SHCBP1: variants seen among roughly 807,000 people sequenced by gnomAD.
The protein encoded by SHCBP1 is SHC binding and spindle associated 1.
Under a neutral mutation model 75.1 loss-of-function variants are expected in SHCBP1, and 60 were observed. The ratio of observed to expected loss-of-function variants is 0.80; its 90% CI spans 0.65 to 0.99. SHCBP1 has a LOEUF of 0.99. Ranked by LOEUF, SHCBP1 falls within the 50% of genes least tolerant of loss-of-function variation. SHCBP1 has a pLI of 0.00. For missense variants in SHCBP1, 709 were observed against 809.4 expected (o/e 0.88, Z 1.50); for synonymous variants, 290 against 293.2 (o/e 0.99, Z 0.11).
chr16:46,581,491 A>C lies in SHCBP1; in HGVS notation c.*238T>G. On this transcript the variant is annotated 3_prime_UTR_variant, in exon 13 of 13. Coordinates refer to ENST00000303383, the MANE Select transcript of SHCBP1 (RefSeq NM_024745.5). Reference sequence around the variant, plus strand: ...AGAGAACCATGTGTATAAGAAAGCAAGACTTTCAGATAAGCAATCTCCAAA... The same window carrying C: ...AGAGAACCATGTGTATAAGAAAGCACGACTTTCAGATAAGCAATCTCCAAA... The C allele has an allele frequency of 2.1e-6, 1 of 473,338 alleles. No homozygotes were observed. Among genetic ancestry groups the C allele is most frequent in the Non-Finnish European group, 3.7e-6 (1 of 267,574 alleles). The allele number at this position is 473,338 out of a possible 1,614,324, so 29.3% of individuals were successfully genotyped here.
chr16:46,592,334 A>C (rs139412661), intron 10 of SHCBP1, among the ~76,000 whole-genome samples: 77 of 152,326 alleles, frequency 5.1e-4, no homozygotes, highest in Non-Finnish European at 9.4e-4. Context: ...CTATGCATAT[A>C]AATCTGACAA....
chr16:46,582,085 A>G, intron 12 of SHCBP1, 31 bp from the exon 13 acceptor site: 1 of 1,568,948 alleles, frequency 6.4e-7, no homozygotes, highest in Non-Finnish European at 8.6e-7. Context: ...TAACAAAGTT[A>G]AATATACAAG....
At position 46,603,592 on chromosome 16, in the gene SHCBP1, C is replaced by T. The variant is rs140069841; in HGVS notation, c.1160G>A (p.Gly387Asp). The change falls in exon 8 of 13, where the codon GGC (glycine) becomes GAC (aspartate). Residue 387 changes from glycine (G) to aspartate (D), a missense_variant. Gly to Asp is a moderately conservative substitution (Grantham distance 94). Transcript: ENST00000303383. The part of the protein sequence containing the change: ...FEGDTVIVCP[G>D]HYVVHGTFSI... ...GAAAGTGCCATGTACCACATAATGG[C>T]CAGGACAAACAATAACAGTGTCACC... The T allele has an allele frequency of 6.2e-7, 1 of 1,613,984 alleles. No homozygotes were observed. The highest frequency in any genetic ancestry group is 2.2e-5 in the East Asian group (1 of 44,894).
chr16:46,608,289 A>C lies in SHCBP1; in HGVS notation c.689+8T>G, dbSNP rs930365349. 1.7e-5 allele frequency: 28 copies of C among 1,603,720 alleles called. No homozygotes were observed. In the Admixed American group the frequency reaches 3.5e-4, roughly 20 times the overall value. On this transcript the variant is annotated splice_region_variant and intron_variant, in intron 5 of 12. Transcript: ENST00000303383. The stretch of plus-strand genomic sequence containing the variant: ...ACATGTACAACAAGGTCAGCAATAA[A>C]TACTTACAATCTTAATCGAGGTTCA...
At chr16:46,596,024 A>G (rs1169956622) in intron 9 of SHCBP1, among the ~76,000 whole-genome samples, 2 of 152,192 alleles carry the variant, frequency 1.3e-5, no homozygotes, top group African/African-American at 2.4e-5. Context: ...CATTACTCCC[A>G]TGTGGAGATA....
At chr16:46,602,817 G>A (rs1214728983) in intron 8 of SHCBP1, among the ~76,000 whole-genome samples, 4 of 151,972 alleles carry the variant, frequency 2.6e-5, no homozygotes, top group Non-Finnish European at 4.4e-5. Context: ...TTTTAGTACC[G>A]ACGGGGTTTC....
chr16:46,580,404 C>T lies in SHCBP1; in HGVS notation c.*1325G>A, dbSNP rs746670340. The T allele has an allele frequency of 6.6e-6, 1 of 151,980 alleles. No homozygotes were observed. The highest frequency in any genetic ancestry group is 1.5e-5 in the Non-Finnish European group (1 of 67,982). The allele number at this position is 151,980 out of a possible 1,614,324, so 9.4% of individuals were successfully genotyped here. On this transcript the variant is annotated 3_prime_UTR_variant, in exon 13 of 13. Coordinates refer to ENST00000303383, the MANE Select transcript of SHCBP1 (RefSeq NM_024745.5). ...TTATTTTTTACTCAAATTTAAAAAACAAACATAACCACACTTAATGGGAAA... is the reference window on the plus strand; with the variant it reads ...TTATTTTTTACTCAAATTTAAAAAATAAACATAACCACACTTAATGGGAAA...
intron 9 of SHCBP1, among the ~76,000 whole-genome samples, chr16:46,598,219 C>T (rs891265659): frequency 6.6e-5 from 10 of 152,100 alleles, no homozygotes; most frequent in African/African-American, 2.4e-4. Flanking sequence ...TGACTCCTTC[C>T]CAGAAACTTT....
rs1457480693 is a variant in SHCBP1 at position 46,580,702 on chromosome 16, T to A, written c.*1027A>T. The A allele has an allele frequency of 6.6e-6, 1 of 152,148 alleles. No individual in the cohort carries two copies. The highest frequency in any genetic ancestry group is 1.9e-4 in the East Asian group (1 of 5,194). 9.4% of individuals were successfully genotyped at this position (152,148 alleles called of 1,614,324 possible). ...GTTGTACAGTTAATCATTTTGACTGTGTCAGTAATATAATCAGAATACTGT... is the reference window on the plus strand; with the variant it reads ...GTTGTACAGTTAATCATTTTGACTGAGTCAGTAATATAATCAGAATACTGT... On this transcript the variant is annotated 3_prime_UTR_variant, in exon 13 of 13. Transcript: ENST00000303383.
At chr16:46,594,803 G>A (rs996297481) in intron 10 of SHCBP1, among the ~76,000 whole-genome samples, 1 of 152,120 alleles carries the variant, frequency 6.6e-6, no homozygotes, top group African/African-American at 2.4e-5. Context: ...AACGTTTATA[G>A]CAGCTTTACT....
chr16:46,609,366 C>G (rs192377303), intron 4 of SHCBP1, among the ~76,000 whole-genome samples: 3 of 151,858 alleles, frequency 2.0e-5, no homozygotes, highest in Admixed American at 2.0e-4. Flanking sequence ...TTAGTTCCCT[C>G]TCCCAGACCA....
rs948975689 is a variant in SHCBP1 at position 46,608,204 on chromosome 16, T to G, written c.689+93A>C. On this transcript the variant is annotated intron_variant, in intron 5 of 12. Transcript: ENST00000303383. Reference sequence around the variant, plus strand: ...GAGAGAGTGAGTGAGTGAGTGTGGGTGTGTGTGTGTGTGTGTATCTCACAC... The same window carrying G: ...GAGAGAGTGAGTGAGTGAGTGTGGGGGTGTGTGTGTGTGTGTATCTCACAC... The G allele has an allele frequency of 6.0e-4, 180 of 301,984 alleles. 2 individuals carry two copies. In the South Asian group the frequency reaches 6.3e-3, roughly 11 times the overall value. 18.7% of individuals were successfully genotyped at this position (301,984 alleles called of 1,614,324 possible).
Position 46,617,726 on chromosome 16 carries a change from G to A in SHCBP1, c.295C>T (p.Gln99Ter), listed in dbSNP as rs369047561. The A allele has an allele frequency of 2.0e-5, 32 of 1,612,566 alleles. No individual in the cohort carries two copies. The highest frequency in any genetic ancestry group is 2.6e-5 in the Non-Finnish European group (31 of 1,179,986). ...ILADCKASEV[Q>*]EFTAEFLEKV... ...TCCAAGAACTCAGCTGTGAATTCCT[G>A]TACCTCAGAGGCCTTGCAGTCAGCT... is the stretch of plus-strand genomic sequence containing the variant. Residue 99 changes from glutamine (Q) to a stop codon, truncating the protein, a stop_gained, in exon 3 of 13, where the codon CAG becomes TAG. Coordinates refer to ENST00000303383, the MANE Select transcript of SHCBP1 (RefSeq NM_024745.5). LOFTEE classifies it high-confidence loss of function.
intron 4 of SHCBP1, among the ~76,000 whole-genome samples, chr16:46,611,049 T>C (rs1965408516): frequency 1.3e-5 from 2 of 152,130 alleles, no homozygotes; most frequent in Non-Finnish European, 2.9e-5. Context: ...ATTTTTCCCA[T>C]GTCCGCATGG....
chr16:46,581,498 C>A lies in SHCBP1; in HGVS notation c.*231G>T, dbSNP rs746476202. On this transcript the variant is annotated 3_prime_UTR_variant, in exon 13 of 13. Transcript: ENST00000303383. ...CATGTGTATAAGAAAGCAAGACTTT[C>A]AGATAAGCAATCTCCAAATATTTTC... 1 of 479,282 alleles carries A rather than the reference C, an allele frequency of 2.1e-6. No individual in the cohort carries two copies. The highest frequency in any genetic ancestry group is 3.7e-6 in the Non-Finnish European group (1 of 271,962). The allele number at this position is 479,282 out of a possible 1,614,324, so 29.7% of individuals were successfully genotyped here. A position where few individuals can be genotyped will look rare whatever the true frequency, so the allele number is the denominator to read the frequency against.
intron 9 of SHCBP1, 125 bp downstream of exon 9, chr16:46,599,706 A>AGT (rs1369470339): frequency 2.8e-6 from 1 of 363,552 alleles, no homozygotes; most frequent in Non-Finnish European, 4.4e-6. Context: ...AGCATCGTGA[A>AGT]GTGCAATAAA....
rs1413935289 is a variant in SHCBP1, at chr16:46,579,458, T to C, written c.*2271A>G. On this transcript the variant is annotated 3_prime_UTR_variant, in exon 13 of 13. Coordinates refer to ENST00000303383, the MANE Select transcript of SHCBP1 (RefSeq NM_024745.5). The stretch of plus-strand genomic sequence containing the variant: ...TAGACATGAAATCTGAAAAACTCCA[T>C]GTTATAAAAAGAAACAAGGAAGGTA... Among the ~76,000 whole-genome samples, 1 of 152,174 alleles carries C rather than the reference T, an allele frequency of 6.6e-6. No homozygotes were observed. The highest frequency in any genetic ancestry group is 1.5e-5 in the Non-Finnish European group (1 of 68,026).
intron 10 of SHCBP1, among the ~76,000 whole-genome samples, chr16:46,592,607 A>G (rs1303442393): frequency 6.6e-6 from 1 of 152,140 alleles, no homozygotes; most frequent in Admixed American, 6.6e-5. Flanking sequence ...TGAAGCTATT[A>G]TTATCGATAA....
At chr16:46,603,396 C>G in intron 8 of SHCBP1, 143 bp downstream of exon 8, 1 of 1,202,496 alleles carries the variant, frequency 8.3e-7, no homozygotes, top group South Asian at 1.5e-5. Context: ...TTTCAGCTTT[C>G]CATGTCCTTA....
Sources: allele counts gnomAD v4.1 joint callset (sites outside exome capture counted in the v4.1 genomes callset), GRCh38; gene constraint gnomAD v4.1.1; transcripts MANE v1.5; gene names NCBI Gene and HGNC (gene_info 2026-07-23, HGNC 2026-07-21).